Variants in RHOBTB2 observed in about 807,000 individuals in gnomAD.
The protein encoded by RHOBTB2 is Rho related BTB domain containing 2.
RHOBTB2 carries 39 observed loss-of-function variants against 66.5 expected under a neutral mutation model. The ratio of observed to expected loss-of-function variants is 0.59; its 90% confidence interval spans 0.45 to 0.77. RHOBTB2 has a LOEUF of 0.77. Ranked by LOEUF, RHOBTB2 falls within the 30% of genes least tolerant of loss-of-function variation. RHOBTB2 has a pLI of 0.00. For synonymous variants in RHOBTB2, 390 were observed against 395.0 expected (o/e 0.99, Z 0.15); for missense variants, 755 against 999.1 (o/e 0.76, Z 3.29).
At chr8:22,965,722 T>C in the RHOBTB2 span, among the ~76,000 whole-genome samples, 2 of 152,124 alleles carry the variant, frequency 1.3e-5, no homozygotes, top group African/African-American at 2.4e-5. Flanking sequence ...AAACTGGATA[T>C]CTACATTAAA....
Position 23,017,752 on chromosome 8 carries a change from G to A in RHOBTB2, c.*283G>A, listed in dbSNP as rs1472697275. 1.1e-5 allele frequency: 5 copies of A among 445,196 alleles called. No individual in the cohort carries two copies. The highest frequency in any genetic ancestry group is 4.1e-6 in the Non-Finnish European group (1 of 243,574). The allele number at this position is 445,196 out of a possible 1,614,324, so 27.6% of individuals were successfully genotyped here. On this transcript the variant is annotated 3_prime_UTR_variant, in exon 10 of 10. Transcript: ENST00000251822. This position sits in a 1 kb window ranked among gnomAD's most constrained non-coding sequence, Gnocchi z 5.3. Reference sequence around the variant, plus strand: ...CCTGGCATTTTATCTCTGGGTTTGAGAGCCCTAGAGTCAAAGGGAAAGCCT... The same window carrying A: ...CCTGGCATTTTATCTCTGGGTTTGAAAGCCCTAGAGTCAAAGGGAAAGCCT...
In RHOBTB2 at chr8:22,999,840, G is replaced by A; in HGVS notation, c.-276G>A. ...CGTGACATTGGGCGCCTGGCGCGCG[G>A]GGCGATGCTGATCCGGAAGGGGCAG... On this transcript the variant is annotated 5_prime_UTR_variant, in exon 1 of 10. Coordinates refer to ENST00000251822, the MANE Select transcript of RHOBTB2 (RefSeq NM_015178.3). The A allele has an allele frequency of 1.0e-6, 1 of 984,612 alleles. No homozygotes were observed. Among genetic ancestry groups the A allele is most frequent in the Non-Finnish European group, 1.2e-6 (1 of 829,876 alleles). The allele number at this position is 984,612 out of a possible 1,614,324, so 61.0% of individuals were successfully genotyped here. A position where few individuals can be genotyped will look rare whatever the true frequency, so the allele number is the denominator to read the frequency against.
chr8:23,011,126 C>T (rs1242219613), intron 7 of RHOBTB2, among the ~76,000 whole-genome samples: 8 of 152,190 alleles, frequency 5.3e-5, no homozygotes, highest in Non-Finnish European at 8.8e-5. Flanking sequence ...TGGTGGCAGG[C>T]GCCTGTAATC....
the RHOBTB2 span, among the ~76,000 whole-genome samples, chr8:22,973,983 T>C: frequency 6.6e-6 from 1 of 152,156 alleles, no homozygotes; most frequent in Non-Finnish European, 1.5e-5. Flanking sequence ...GGGAGTCACC[T>C]GACCACTTCC....
chr8:23,015,663 A>G lies in RHOBTB2; in HGVS notation c.1886A>G (p.Asp629Gly). The change falls in exon 9 of 10, where the codon GAC becomes GGC. Residue 629 changes from aspartate (D) to glycine (G), a missense_variant. Physicochemically the swap from Asp to Gly is moderately conservative, Grantham distance 94. Coordinates refer to ENST00000251822, the MANE Select transcript of RHOBTB2 (RefSeq NM_015178.3). ...TTCCACTGTGCGTACCAGCTGGCCG[A>G]CTGGTGTCTCCACCACATCTGCACC... ...AQFHCAYQLADWCLHHICTNY... is the reference protein window; with the variant it reads ...AQFHCAYQLAGWCLHHICTNY... 1 of 1,613,408 alleles carries G rather than the reference A, an allele frequency of 6.2e-7. No homozygotes were observed. Among genetic ancestry groups the G allele is most frequent in the Non-Finnish European group, 8.5e-7 (1 of 1,179,546 alleles).
chr8:22,951,125 C>A, the RHOBTB2 span, among the ~76,000 whole-genome samples: 3 of 152,042 alleles, frequency 2.0e-5, no homozygotes, highest in Non-Finnish European at 4.4e-5. Context: ...GTAACATAGC[C>A]TATCCTATCA....
chr8:22,960,945 T>A, the RHOBTB2 span, among the ~76,000 whole-genome samples: 1 of 152,188 alleles, frequency 6.6e-6, no homozygotes, highest in Non-Finnish European at 1.5e-5. Context: ...CTAGCCCTGA[T>A]CCCCTACTTG....
chr8:23,009,742 G>A (rs1267498853), intron 6 of RHOBTB2, among the ~76,000 whole-genome samples: 1 of 152,194 alleles, frequency 6.6e-6, no homozygotes, highest in Non-Finnish European at 1.5e-5. Context: ...AGGCTAAGTG[G>A]AAGCGTTGGG....
At chr8:22,961,841 T>G in the RHOBTB2 span, among the ~76,000 whole-genome samples, 1 of 152,064 alleles carries the variant, frequency 6.6e-6, no homozygotes, top group African/African-American at 2.4e-5. Context: ...CCCTGACAAA[T>G]GCAAGTGAAA....
chr8:23,008,428 CT>C (rs1435258997), intron 6 of RHOBTB2, among the ~76,000 whole-genome samples: 2 of 152,168 alleles, frequency 1.3e-5, no homozygotes, highest in African/African-American at 4.8e-5. Context: ...AGTTAAGTGA[CT>C]TGTATGAAGT....
At chr8:22,995,766 C>G (rs1453831269), upstream of RHOBTB2, 3 of 1,344,700 alleles carry the variant, frequency 2.2e-6, no homozygotes, top group Non-Finnish European at 3.1e-6. Flanking sequence ...GTAGGAACAC[C>G]ACGTGCCCCA....
At chr8:23,016,840 G>GCTGTGTC (rs1355725241) in intron 9 of RHOBTB2, among the ~76,000 whole-genome samples, 2 of 152,114 alleles carry the variant, frequency 1.3e-5, no homozygotes, top group African/African-American at 2.4e-5. Flanking sequence ...CTGGTCTGCT[G>GCTGTGTC]CTGTGTCCTG....
the RHOBTB2 span, among the ~76,000 whole-genome samples, chr8:22,964,779 CTTTATTTTA>C: frequency 7.5e-5 from 11 of 146,914 alleles, no homozygotes; most frequent in African/African-American, 2.8e-4. Flanking sequence ...TAGTAATTAG[CTTTATTTTA>C]TTTATTTATT....
In RHOBTB2 at chr8:22,999,824, G is replaced by C; in HGVS notation, c.-292G>C. On this transcript the variant is annotated 5_prime_UTR_variant, in exon 1 of 10. Coordinates refer to ENST00000251822, the MANE Select transcript of RHOBTB2 (RefSeq NM_015178.3). ...CGGCTCCGCGCGCCGCCGTGACATT[G>C]GGCGCCTGGCGCGCGGGGCGATGCT... 2.0e-6 allele frequency: 2 copies of C among 984,092 alleles called. No homozygotes were observed. Among genetic ancestry groups the C allele is most frequent in the African/African-American group, 3.5e-5 (2 of 57,120 alleles). 61.0% of individuals were successfully genotyped at this position (984,092 alleles called of 1,614,324 possible).
the RHOBTB2 span, among the ~76,000 whole-genome samples, chr8:22,972,642 C>T: frequency 6.6e-6 from 1 of 152,206 alleles, no homozygotes; most frequent in Non-Finnish European, 1.5e-5. Flanking sequence ...CAAACATTAA[C>T]AGGCATCAGA....
At chr8:22,972,523 G>A in the RHOBTB2 span, among the ~76,000 whole-genome samples, 2 of 152,178 alleles carry the variant, frequency 1.3e-5, no homozygotes, top group Non-Finnish European at 2.9e-5. Context: ...TTCTTGCTAT[G>A]CCTCCAGTCT....
chr8:22,953,306 G>A, the RHOBTB2 span, among the ~76,000 whole-genome samples: 1 of 152,006 alleles, frequency 6.6e-6, no homozygotes, highest in East Asian at 1.9e-4. Context: ...CCAGCTTCAG[G>A]TGTTTCTATG....
upstream of RHOBTB2, among the ~76,000 whole-genome samples, chr8:22,998,238 T>C (rs561161031): frequency 1.3e-5 from 2 of 152,336 alleles, no homozygotes; most frequent in South Asian, 4.1e-4. Flanking sequence ...AACCCGGCTT[T>C]CTTTTGGCAG....
upstream of RHOBTB2, among the ~76,000 whole-genome samples, chr8:22,999,424 C>G (rs921063050): frequency 1.6e-4 from 24 of 151,332 alleles, no homozygotes; most frequent in Non-Finnish European, 2.8e-4. Flanking sequence ...GGCGGAAGAG[C>G]GCGGGCGGTG....
Sources: allele counts gnomAD v4.1 joint callset (sites outside exome capture counted in the v4.1 genomes callset), GRCh38; gene constraint gnomAD v4.1.1; non-coding constraint Gnocchi (gnomAD v3.1); transcripts MANE v1.5; gene names NCBI Gene and HGNC (gene_info 2026-07-23, HGNC 2026-07-21).